PLCXD1: variants seen among roughly 807,000 people sequenced by gnomAD.
PLCXD1 encodes phosphatidylinositol specific phospholipase C X domain containing 1.
PLCXD1 carries 45 observed loss-of-function variants against 37.8 expected under a neutral mutation model. That is an observed-to-expected ratio of 1.19 (90% CI 0.94 to 1.53). PLCXD1 has a LOEUF of 1.53. Among genes scored for constraint, PLCXD1 ranks in the 40% most tolerant of loss-of-function variants. PLCXD1 has a pLI of 0.00. For missense variants in PLCXD1, 539 were observed against 454.7 expected (o/e 1.19, Z -1.69); for synonymous variants, 246 against 206.9 (o/e 1.19, Z -1.62).
At chrX:288,625 G>A in intron 2 of PLCXD1, 108 bp from the exon 3 acceptor site, 1 of 1,197,114 alleles carries the variant, frequency 8.4e-7, no homozygotes, top group East Asian at 2.3e-5. Context: ...CTGTGCCTGT[G>A]CTGTGGGCGG....
rs1602923243 is a variant in PLCXD1 at position 299,562 on chromosome X, A to C, written c.*227A>C. Reference sequence around the variant, plus strand: ...ATCATGAGGTCAGGAGCTTGAGAGCAGCCTGACCAACATGGTGAAATCCCA... The same window carrying C: ...ATCATGAGGTCAGGAGCTTGAGAGCCGCCTGACCAACATGGTGAAATCCCA... On this transcript the variant is annotated 3_prime_UTR_variant, in exon 7 of 7. Transcript: ENST00000381657. The C allele has an allele frequency of 1.7e-6, 1 of 593,204 alleles. No homozygotes were observed. The highest frequency in any genetic ancestry group is 3.0e-6 in the Non-Finnish European group (1 of 332,994). 36.7% of individuals were successfully genotyped at this position (593,204 alleles called of 1,614,324 possible).
Position 290,784 on chromosome X carries a change from C to A in PLCXD1, c.393+8C>A. The A allele has an allele frequency of 6.4e-7, 1 of 1,566,386 alleles. No homozygotes were observed. The highest frequency in any genetic ancestry group is 8.7e-7 in the Non-Finnish European group (1 of 1,152,416). On this transcript the variant is annotated splice_region_variant and intron_variant, in intron 4 of 6. Coordinates refer to ENST00000381657, the MANE Select transcript of PLCXD1 (RefSeq NM_018390.4). Reference sequence around the variant, plus strand: ...ACAACGGCGCTGGTGGAGGTGCGGCCGGGCTGAGGTGGGACGCAATGGGGA... The same window carrying A: ...ACAACGGCGCTGGTGGAGGTGCGGCAGGGCTGAGGTGGGACGCAATGGGGA...
At chrX:281,351 A>ACCCTCCCTCCCTCCCT (rs201660794), upstream of PLCXD1, 2 of 152,712 alleles carry the variant, frequency 1.3e-5, no homozygotes, top group Non-Finnish European at 1.4e-5. Context: ...GGCTCCCGGG[A>ACCCTCCCTCCCTCCCT]CCCTCCCTCC....
chrX:294,975 C>T (rs932338053), intron 6 of PLCXD1, among the ~76,000 whole-genome samples: 11 of 151,954 alleles, frequency 7.2e-5, no homozygotes, highest in Non-Finnish European at 1.2e-4. Flanking sequence ...CAGGAGTTTG[C>T]GACCAGTCTG....
At chrX:276,399 G>C (rs1440729457), upstream of PLCXD1, 3 of 152,384 alleles carry the variant, frequency 2.0e-5, no homozygotes, top group African/African-American at 4.8e-5. Flanking sequence ...TGGAAGGTGA[G>C]TGTGTCTACC....
intron 2 of PLCXD1, 115 bp downstream of exon 2, chrX:284,429 G>C: frequency 4.2e-6 from 5 of 1,183,850 alleles, no homozygotes; most frequent in Non-Finnish European, 6.1e-6. Flanking sequence ...GAGCAATCCT[G>C]GGTGTAGGGA....
At chrX:278,976 T>C (rs1352245177), upstream of PLCXD1, among the ~76,000 whole-genome samples, 1 of 152,068 alleles carries the variant, frequency 6.6e-6, no homozygotes, top group African/African-American at 2.4e-5. Context: ...GTTCATTCAC[T>C]TGGGTGCAAG....
intron 4 of PLCXD1, among the ~76,000 whole-genome samples, chrX:291,227 C>T (rs1471845099): frequency 6.6e-6 from 1 of 151,480 alleles, no homozygotes; most frequent in African/African-American, 2.4e-5. Context: ...CTCACTGCAA[C>T]CTCTGCCTCC....
At chrX:283,678 G>T (rs1435221176) in intron 1 of PLCXD1, 1 of 150,084 alleles carries the variant, frequency 6.7e-6, no homozygotes, top group South Asian at 2.0e-4. Context: ...GGGCGGCCTT[G>T]GTGTCAGGCA....
intron 1 of PLCXD1, among the ~76,000 whole-genome samples, chrX:282,241 G>A (rs1313335307): frequency 1.3e-5 from 2 of 152,108 alleles, no homozygotes; most frequent in Non-Finnish European, 2.9e-5. Context: ...ACATTGCCGG[G>A]CGTGGTGGCG....
upstream of PLCXD1, chrX:281,036 G>T: frequency 8.9e-5 from 1 of 11,198 alleles, no homozygotes; most frequent in South Asian, 2.3e-3. Context: ...CGTGCAGGGG[G>T]AGGGGGGCCG....
intron 1 of PLCXD1, chrX:283,687 C>G (rs894051103): frequency 6.7e-6 from 1 of 149,666 alleles, no homozygotes; most frequent in African/African-American, 2.5e-5. Context: ...TGGTGTCAGG[C>G]ACGGGTGGGG....
At position 290,731 on chromosome X, in the gene PLCXD1, G is replaced by A; in HGVS notation, c.348G>A (p.Lys116=). The change falls in exon 4 of 7, where the codon AAG becomes AAA. Residue 116 remains lysine, a synonymous_variant. Coordinates refer to ENST00000381657, the MANE Select transcript of PLCXD1 (RefSeq NM_018390.4). The part of the protein sequence containing the change: ...RIAHMLEGSE[K]NLHFVHMVYT... ...CCCACATGCTGGAGGGCTCGGAGAA[G>A]AACCTGCACTTTGTCCATATGGTGT... The A allele has an allele frequency of 1.2e-6, 2 of 1,613,868 alleles. No individual in the cohort carries two copies.
rs1282122870 is a variant in PLCXD1 at position 291,151 on chromosome X, C to CT, written c.394-337dup. ...GTTACGGAGATTTCTTTTTTTTTTG[C>CT]TTTTTTTTTTTGGAGATGGAGTCTT... On this transcript the variant is annotated intron_variant, in intron 4 of 6. Transcript: ENST00000381657. Among the ~76,000 whole-genome samples, 406 of 143,454 alleles carry CT rather than the reference C, an allele frequency of 2.8e-3. 2 individuals carry two copies. The highest frequency in any genetic ancestry group is 7.8e-3 in the African/African-American group (304 of 39,066). The allele number at this position is 143,454 out of a possible 152,430, so 94.1% of individuals were successfully genotyped here.
At chrX:299,048 C>A (rs772527833) in intron 6 of PLCXD1, 49 bp from the exon 7 acceptor site, 3 of 1,348,238 alleles carry the variant, frequency 2.2e-6, no homozygotes, top group East Asian at 4.6e-5. Context: ...GAGAAACAGG[C>A]GGGTGAGGCC....
intron 5 of PLCXD1, among the ~76,000 whole-genome samples, chrX:292,533 C>A (rs778467698): frequency 1.8e-4 from 28 of 152,216 alleles, no homozygotes; most frequent in Admixed American, 7.2e-4. Context: ...GGCTCGAATT[C>A]CTGGCCTCGA....
Position 282,853 on chromosome X carries a change from A to C in PLCXD1, c.-22+1169A>C, listed in dbSNP as rs1469754081. Among the ~76,000 whole-genome samples the C allele has an allele frequency of 2.1e-5, 3 of 146,016 alleles. No homozygotes were observed. In the East Asian group the frequency reaches 5.9e-4, roughly 29 times the overall value. On this transcript the variant is annotated intron_variant, in intron 1 of 6. Transcript: ENST00000381657. ...TATATATATACTTATATATGTATAT[A>C]TAGTGATGTATATATGTATATATGT...
intron 6 of PLCXD1, 51 bp from the exon 7 acceptor site, chrX:299,046 G>C (rs1266150826): frequency 3.0e-6 from 4 of 1,339,742 alleles, no homozygotes; most frequent in Non-Finnish European, 4.3e-6. Flanking sequence ...GGGAGAAACA[G>C]GCGGGTGAGG....
intron 6 of PLCXD1, among the ~76,000 whole-genome samples, chrX:296,059 G>A (rs950257573): frequency 6.6e-6 from 1 of 152,024 alleles, no homozygotes; most frequent in Non-Finnish European, 1.5e-5. Context: ...TGATCTGCCC[G>A]CCTTGGCCTC....
Sources: gnomAD v4.1 joint callset for allele counts (sites outside exome capture counted in the v4.1 genomes callset) on GRCh38, gnomAD v4.1.1 for gene constraint, MANE v1.5 for transcripts, NCBI Gene and HGNC (gene_info 2026-07-23, HGNC 2026-07-21) for gene names.